The following TTC7B variants were observed in gnomAD, a reference collection of about 807,000 sequenced individuals.
TTC7B encodes tetratricopeptide repeat protein 7B.
TTC7B carries 28 observed loss-of-function variants against 106.8 expected under a neutral mutation model. The observed-to-expected ratio is 0.26, with a 90% CI of 0.19 to 0.36. The LOEUF is 0.36. Among genes scored for constraint, TTC7B ranks in the 10% least tolerant of loss-of-function variants. TTC7B has a pLI of 1.00. For missense variants in TTC7B, 862 were observed against 1,076.4 expected (o/e 0.80, Z 2.79); for synonymous variants, 405 against 430.6 (o/e 0.94, Z 0.74).
intron 17 of TTC7B, among the ~76,000 whole-genome samples, chr14:90,603,977 C>T (rs1169560695): frequency 6.6e-6 from 1 of 152,230 alleles, no homozygotes; most frequent in Non-Finnish European, 1.5e-5. Context: ...GAGCACTGCC[C>T]GGGACATACT....
intron 3 of TTC7B, among the ~76,000 whole-genome samples, chr14:90,762,163 C>T (rs552169776): frequency 3.9e-4 from 60 of 152,316 alleles, no homozygotes; most frequent in Non-Finnish European, 7.9e-4. Flanking sequence ...AGAGGAAGCT[C>T]CCTAATGGGC....
At chr14:90,574,769 G>A (rs1770189268) in intron 19 of TTC7B, among the ~76,000 whole-genome samples, 1 of 152,140 alleles carries the variant, frequency 6.6e-6, no homozygotes, top group East Asian at 1.9e-4. Context: ...CAGACAATGA[G>A]GCTTCCTTCT....
In TTC7B at chr14:90,555,408, A is replaced by AG. The variant is rs540305342; in HGVS notation, c.2311-13820dup. ...CAGGTGACATAAGAGGACCTAGGGA[A>AG]GGGGGGGGTGTTTGATGGGGATGTC... On this transcript the variant is annotated intron_variant, in intron 19 of 19. Coordinates refer to ENST00000328459, the MANE Select transcript of TTC7B (RefSeq NM_001010854.2). 2.2e-3 allele frequency among the ~76,000 whole-genome samples: 327 copies of AG among 151,778 alleles called. 2 individuals carry two copies. Among genetic ancestry groups the AG allele is most frequent in the South Asian group, 4.0e-3 (19 of 4,792 alleles).
intron 1 of TTC7B, among the ~76,000 whole-genome samples, chr14:90,803,010 GCA>G (rs2030371573): frequency 6.6e-6 from 1 of 151,888 alleles, no homozygotes; most frequent in East Asian, 1.9e-4. Context: ...GGATGTGGTG[GCA>G]CACACCTGTA....
At position 90,610,830 on chromosome 14, in the gene TTC7B, T is replaced by A; in HGVS notation, c.1878A>T (p.Gly626=). The change falls in exon 17 of 20, where the codon GGA becomes GGT. Residue 626 remains glycine, a synonymous_variant. Transcript: ENST00000328459. ...CYNLTNPSDS[G]RGSSLLDRTI... is the part of the protein sequence containing the mutation. The stretch of plus-strand genomic sequence containing the variant: ...TTCTATCTAAGAGGCTGCTCCCACG[T>A]CCAGAATCACTGCAAAACACAGCTA... 1 of 1,613,434 alleles carries A rather than the reference T, an allele frequency of 6.2e-7. No individual in the cohort carries two copies. Among genetic ancestry groups the A allele is most frequent in the Non-Finnish European group, 8.5e-7 (1 of 1,179,400 alleles).
At position 90,657,466 on chromosome 14, in the gene TTC7B, A is replaced by C; in HGVS notation, c.1237-188T>G. On this transcript the variant is annotated intron_variant, in intron 10 of 19. Coordinates refer to ENST00000328459, the MANE Select transcript of TTC7B (RefSeq NM_001010854.2). The surrounding 1 kb of genome is among the most constrained non-coding windows in gnomAD (Gnocchi z 4.2). ...CGGCTTCTGAGTGACTGGGGAGTAC[A>C]CTGGGTTAAAAGCCAGCAGGAATGC... 1.9e-6 allele frequency: 1 copy of C among 533,288 alleles called. No individual in the cohort carries two copies. The highest frequency in any genetic ancestry group is 3.3e-6 in the Non-Finnish European group (1 of 299,860). 33.0% of individuals were successfully genotyped at this position (533,288 alleles called of 1,614,324 possible).
rs1356504476 is a variant in TTC7B at position 90,541,516 on chromosome 14, G to C, written c.2384C>G (p.Ser795Trp). The C allele has an allele frequency of 4.3e-6, 7 of 1,613,814 alleles. No individual in the cohort carries two copies. Among genetic ancestry groups the C allele is most frequent in the Non-Finnish European group, 5.9e-6 (7 of 1,179,906 alleles). Reference sequence around the variant, plus strand: ...CCCGTTCCAGACCTCGTGGGCTGTCGAGTTCACCTGCACCGCGTCCCGGAG... The same window carrying C: ...CCCGTTCCAGACCTCGTGGGCTGTCCAGTTCACCTGCACCGCGTCCCGGAG... ...KILRDAVQVN[S>W]TAHEVWNGLG... Residue 795 changes from serine to tryptophan, a missense_variant, in exon 20 of 20, where the codon TCG becomes TGG. Physicochemically the swap from Ser to Trp is radical, Grantham distance 177. Coordinates refer to ENST00000328459, the MANE Select transcript of TTC7B (RefSeq NM_001010854.2).
In TTC7B at chr14:90,577,324, C is replaced by T. The variant is rs373208371; in HGVS notation, c.2310+782G>A. 5.9e-5 allele frequency among the ~76,000 whole-genome samples: 9 copies of T among 152,270 alleles called. No homozygotes were observed. Among genetic ancestry groups the T allele is most frequent in the African/African-American group, 1.4e-4 (6 of 41,558 alleles). ...TCGCAGGAAGATGACAGAGGACTGC[C>T]GAGGCAGCTGCACTAACACACGTTC... On this transcript the variant is annotated intron_variant, in intron 19 of 19. Coordinates refer to ENST00000328459, the MANE Select transcript of TTC7B (RefSeq NM_001010854.2). This position sits in a 1 kb window ranked among gnomAD's most constrained non-coding sequence, Gnocchi z 5.0.
chr14:90,711,534 G>A (rs1595307132), intron 5 of TTC7B, among the ~76,000 whole-genome samples: 1 of 152,156 alleles, frequency 6.6e-6, no homozygotes, highest in East Asian at 1.9e-4. Flanking sequence ...CAATTCTCAT[G>A]CCTCAGCCCC....
intron 12 of TTC7B, among the ~76,000 whole-genome samples, chr14:90,653,324 G>C (rs1184558573): frequency 2.0e-5 from 3 of 152,218 alleles, no homozygotes; most frequent in African/African-American, 7.2e-5. Flanking sequence ...CTTGCCTTCA[G>C]AGTTCCTTCT....
chr14:90,563,333 T>C (rs962227972), intron 19 of TTC7B, among the ~76,000 whole-genome samples: 6 of 152,244 alleles, frequency 3.9e-5, no homozygotes, highest in African/African-American at 7.2e-5. Flanking sequence ...TCCCAGGAAC[T>C]TTTTGGTGTC....
chr14:90,702,874 G>A (rs1003472164), intron 5 of TTC7B, among the ~76,000 whole-genome samples: 1 of 152,166 alleles, frequency 6.6e-6, no homozygotes, highest in African/African-American at 2.4e-5. Flanking sequence ...CTCCAGCCAC[G>A]GCTTTGGGGT....
At chr14:90,715,692 T>A (rs570732352) in intron 5 of TTC7B, among the ~76,000 whole-genome samples, 4 of 152,202 alleles carry the variant, frequency 2.6e-5, no homozygotes, top group African/African-American at 9.6e-5. Context: ...AGGAGCAGGA[T>A]CCAGAGTCAG....
At chr14:90,771,759 T>C (rs1012819602) in intron 3 of TTC7B, among the ~76,000 whole-genome samples, 2 of 151,746 alleles carry the variant, frequency 1.3e-5, no homozygotes, top group African/African-American at 4.8e-5. Flanking sequence ...CTCAATTGTA[T>C]ATAAAAATAG....
At chr14:90,678,076 A>G (rs1419037571) in intron 8 of TTC7B, among the ~76,000 whole-genome samples, 1 of 152,252 alleles carries the variant, frequency 6.6e-6, no homozygotes, top group African/African-American at 2.4e-5. Context: ...GAAGAGAACA[A>G]AACAAACATA....
intron 3 of TTC7B, among the ~76,000 whole-genome samples, chr14:90,780,492 A>G (rs146277377): frequency 0.023 from 3,502 of 152,286 alleles, 50 homozygotes; most frequent in Non-Finnish European, 0.032. Context: ...GAAAGAAAGG[A>G]AAGAAACTTT....
Position 90,657,394 on chromosome 14 carries a change from T to A in TTC7B, c.1237-116A>T. ...ACCTCCTCGTGGGCTTGTCCAACTT[T>A]AAGCCCAAGCAAGCGGGGGCCTGAG... On this transcript the variant is annotated intron_variant, in intron 10 of 19. Transcript: ENST00000328459. The surrounding 1 kb of genome is among the most constrained non-coding windows in gnomAD (Gnocchi z 4.2). 2 of 918,656 alleles carry A rather than the reference T, an allele frequency of 2.2e-6. No individual in the cohort carries two copies. Among genetic ancestry groups the A allele is most frequent in the Non-Finnish European group, 3.3e-6 (2 of 612,190 alleles). 56.9% of individuals were successfully genotyped at this position (918,656 alleles called of 1,614,324 possible).
intron 4 of TTC7B, among the ~76,000 whole-genome samples, chr14:90,735,770 G>C (rs1032331550): frequency 6.6e-6 from 1 of 151,586 alleles, no homozygotes; most frequent in Non-Finnish European, 1.5e-5. Flanking sequence ...ATAGGAAGAG[G>C]GTCATAGATG....
intron 9 of TTC7B, among the ~76,000 whole-genome samples, chr14:90,660,395 CAAAAAA>C (rs57030874): frequency 3.7e-3 from 151 of 40,872 alleles, no homozygotes; most frequent in Non-Finnish European, 4.7e-3. Flanking sequence ...CACCCTGTCT[CAAAAAA>C]AAAAAAAAAA....
Sources: gnomAD v4.1 joint callset for allele counts (sites outside exome capture counted in the v4.1 genomes callset) on GRCh38, gnomAD v4.1.1 for gene constraint, Gnocchi (gnomAD v3.1) non-coding constraint, MANE v1.5 for transcripts, NCBI Gene and HGNC (gene_info 2026-07-23, HGNC 2026-07-21) for gene names.